Variants in ITGA9 observed in about 807,000 individuals in gnomAD.
The protein encoded by ITGA9 is integrin alpha-9.
In ITGA9, 56 loss-of-function variants were observed where a neutral mutation model predicts 127.8. The observed-to-expected ratio is 0.44, with a 90% CI of 0.35 to 0.55. The LOEUF (loss-of-function observed/expected upper bound fraction) is 0.55. Among genes scored for constraint, ITGA9 ranks in the 20% least tolerant of loss-of-function variants. The pLI is 0.00. For synonymous variants in ITGA9, 508 were observed against 514.5 expected, an observed-to-expected ratio of 0.99 and a Z score of 0.17; for missense variants, 1,196 against 1,347.1, an observed-to-expected ratio of 0.89 and a Z score of 1.76.
Position 37,542,434 on chromosome 3 carries a change from A to T in ITGA9, c.1538A>T (p.Tyr513Phe), listed in dbSNP as rs759093330. 1.2e-6 allele frequency: 2 copies of T among 1,613,556 alleles called. No homozygotes were observed. The highest frequency in any genetic ancestry group is 1.7e-6 in the Non-Finnish European group (2 of 1,180,002). The change falls in exon 15 of 28, where the codon TAT (tyrosine) becomes TTT (phenylalanine). Residue 513 changes from tyrosine (Y) to phenylalanine (F), a missense_variant. Coordinates refer to ENST00000264741, the MANE Select transcript of ITGA9 (RefSeq NM_002207.3). ...KHVPGEIGLN[Y>F]VLMADVAKKE... Reference sequence around the variant, plus strand: ...TCTCATTTATTGGCAGGCCTGAATTATGTTCTGATGGCTGACGTGGCCAAA... The same window carrying T: ...TCTCATTTATTGGCAGGCCTGAATTTTGTTCTGATGGCTGACGTGGCCAAA...
At chr3:37,793,419 C>T (rs1276297294) in intron 26 of ITGA9, among the ~76,000 whole-genome samples, 2 of 151,710 alleles carry the variant, frequency 1.3e-5, no homozygotes, top group African/African-American at 4.8e-5. Context: ...CACACACACA[C>T]ACACACACAC....
At chr3:37,732,393 G>T (rs1696302980) in intron 18 of ITGA9, among the ~76,000 whole-genome samples, 1 of 152,090 alleles carries the variant, frequency 6.6e-6, no homozygotes, top group Non-Finnish European at 1.5e-5. Context: ...AGATGACAGG[G>T]TTGCCTTTTC....
At chr3:37,750,186 A>G (rs1156979184) in intron 22 of ITGA9, among the ~76,000 whole-genome samples, 2 of 152,194 alleles carry the variant, frequency 1.3e-5, no homozygotes, top group African/African-American at 2.4e-5. Flanking sequence ...TATGCATGTA[A>G]AAAGAAAAGT....
intron 17 of ITGA9, among the ~76,000 whole-genome samples, chr3:37,664,776 C>T (rs6550497): frequency 0.57 from 85,882 of 151,694 alleles, 24,727 homozygotes; most frequent in African/African-American, 0.67. Context: ...GGTGAGCTTA[C>T]GGCTGGCATG....
intron 16 of ITGA9, among the ~76,000 whole-genome samples, chr3:37,642,381 A>C (rs572403955): frequency 1.3e-5 from 2 of 152,244 alleles, no homozygotes; most frequent in Non-Finnish European, 2.9e-5. Flanking sequence ...ATTGATCCGC[A>C]ACACCTGGCA....
intron 22 of ITGA9, among the ~76,000 whole-genome samples, chr3:37,744,997 C>A (rs1696484164): frequency 6.6e-6 from 1 of 152,226 alleles, no homozygotes; most frequent in Non-Finnish European, 1.5e-5. Context: ...CATATCTCCT[C>A]ACTCTCTGGT....
intron 13 of ITGA9, among the ~76,000 whole-genome samples, chr3:37,532,029 A>T (rs889181862): frequency 6.6e-6 from 1 of 152,160 alleles, no homozygotes; most frequent in South Asian, 2.1e-4. Flanking sequence ...GCACAATCAC[A>T]CTGGCCAGGG....
intron 18 of ITGA9, among the ~76,000 whole-genome samples, chr3:37,722,626 T>C (rs527647727): frequency 6.6e-6 from 1 of 152,362 alleles, no homozygotes; most frequent in Admixed American, 6.5e-5. Flanking sequence ...TCAGAGTTCA[T>C]TTGTTTGTGG....
At chr3:37,753,827 AT>A (rs747879319) in intron 23 of ITGA9, 1 of 152,200 alleles carries the variant, frequency 6.6e-6, no homozygotes, top group Admixed American at 6.5e-5. Context: ...TGTCATGGAC[AT>A]TGTCAGCAAA....
At chr3:37,667,665 G>C (rs1474677935) in intron 17 of ITGA9, among the ~76,000 whole-genome samples, 1 of 152,220 alleles carries the variant, frequency 6.6e-6, no homozygotes, top group Non-Finnish European at 1.5e-5. Context: ...GCATTGATGT[G>C]GGGTAGAGAC....
At chr3:37,766,247 A>G (rs766150515) in intron 23 of ITGA9, among the ~76,000 whole-genome samples, 9 of 152,248 alleles carry the variant, frequency 5.9e-5, no homozygotes, top group Non-Finnish European at 2.9e-5. Flanking sequence ...TCTTCAGACC[A>G]AAAAGAACTG....
intron 15 of ITGA9, among the ~76,000 whole-genome samples, chr3:37,569,929 C>T (rs1168971640): frequency 6.6e-6 from 1 of 152,160 alleles, no homozygotes; most frequent in East Asian, 1.9e-4. Flanking sequence ...ACTTCTGGTC[C>T]CTTATATTTC....
intron 26 of ITGA9, among the ~76,000 whole-genome samples, chr3:37,796,673 C>T (rs1234738935): frequency 6.6e-6 from 1 of 152,192 alleles, no homozygotes; most frequent in Non-Finnish European, 1.5e-5. Flanking sequence ...AATAATCACA[C>T]TCAGAGACTC....
chr3:37,484,761 A>C (rs1051197579), intron 4 of ITGA9, among the ~76,000 whole-genome samples: 2 of 152,166 alleles, frequency 1.3e-5, no homozygotes, highest in African/African-American at 4.8e-5. Flanking sequence ...TCCTCTTATT[A>C]ACAGTGTAAT....
chr3:37,716,951 C>T (rs1701141943), intron 18 of ITGA9, among the ~76,000 whole-genome samples: 1 of 152,054 alleles, frequency 6.6e-6, no homozygotes, highest in African/African-American at 2.4e-5. Flanking sequence ...ACTGTCTTGC[C>T]CTTGTTCTAA....
chr3:37,541,681 CAT>C (rs1559532280), intron 14 of ITGA9, among the ~76,000 whole-genome samples: 1 of 152,114 alleles, frequency 6.6e-6, no homozygotes, highest in Non-Finnish European at 1.5e-5. Context: ...CTACCGTGGT[CAT>C]AGTTTTGTTG....
intron 25 of ITGA9, among the ~76,000 whole-genome samples, chr3:37,780,294 A>G (rs936854204): frequency 1.3e-5 from 2 of 152,150 alleles, no homozygotes; most frequent in Admixed American, 6.5e-5. Context: ...CCAACAGGTA[A>G]CTTTTCAACC....
At chr3:37,503,151 G>T (rs1698805380) in intron 5 of ITGA9, 27 bp from the exon 6 acceptor site, 9 of 1,613,196 alleles carry the variant, frequency 5.6e-6, no homozygotes, top group Non-Finnish European at 6.8e-6. Flanking sequence ...TTCCTTCTCT[G>T]CTTACCGTTG....
intron 4 of ITGA9, among the ~76,000 whole-genome samples, chr3:37,488,843 CA>C (rs1228830832): frequency 1.3e-5 from 2 of 151,774 alleles, no homozygotes; most frequent in Non-Finnish European, 2.9e-5. Flanking sequence ...TAAAAATTAC[CA>C]TTTTAACCAT....
Sources: allele counts gnomAD v4.1 joint callset (sites outside exome capture counted in the v4.1 genomes callset), GRCh38; gene constraint gnomAD v4.1.1; transcripts MANE v1.5; gene names NCBI Gene and HGNC (gene_info 2026-07-23, HGNC 2026-07-21).